The following COP1 variants were observed in gnomAD, a reference collection of about 807,000 sequenced individuals.
COP1 encodes the protein E3 ubiquitin-protein ligase COP1.
COP1 carries 24 observed loss-of-function variants against 101.3 expected under a neutral mutation model. The ratio of observed to expected loss-of-function variants is 0.24; its 90% confidence interval spans 0.17 to 0.33. COP1 has a LOEUF of 0.33. COP1 is among the 10% of genes least tolerant of loss of function. The probability of loss-of-function intolerance (pLI) is 1.00; values close to 1 mark genes in which losing one functional copy is unlikely to be tolerated. For missense variants in COP1, 663 were observed against 906.2 expected, an observed-to-expected ratio of 0.73 and a Z score of 3.45; for synonymous variants, 347 against 341.9, an observed-to-expected ratio of 1.01 and a Z score of -0.17.
chr1:176,063,185 G>C (rs1012611674), intron 11 of COP1, among the ~76,000 whole-genome samples: 1 of 145,182 alleles, frequency 6.9e-6, no homozygotes, highest in Non-Finnish European at 1.5e-5. Context: ...TCAGCCTCCC[G>C]AGTAGCTGGG....
Position 176,105,198 on chromosome 1 carries a change from C to T in COP1, c.1026+11426G>A, listed in dbSNP as rs576173719. Among the ~76,000 whole-genome samples the T allele has an allele frequency of 3.0e-3, 463 of 151,912 alleles. 2 individuals carry two copies. Among genetic ancestry groups the T allele is most frequent in the African/African-American group, 0.01 (429 of 41,424 alleles). On this transcript the variant is annotated intron_variant, in intron 9 of 19. Transcript: ENST00000367669. Reference sequence around the variant, plus strand: ...TTGGTAGAAAAGCTGAAAGGGTAGCCGTTATTGATTATAACTTTTTATACA... The same window carrying T: ...TTGGTAGAAAAGCTGAAAGGGTAGCTGTTATTGATTATAACTTTTTATACA...
chr1:176,029,713 G>C (rs1299401580), intron 14 of COP1, among the ~76,000 whole-genome samples: 2 of 152,100 alleles, frequency 1.3e-5, no homozygotes, highest in South Asian at 2.1e-4. Context: ...AAAAATCTTA[G>C]AATATTTTTA....
chr1:176,166,119 T>A (rs913951416), intron 3 of COP1, among the ~76,000 whole-genome samples: 1 of 151,984 alleles, frequency 6.6e-6, no homozygotes, highest in African/African-American at 2.4e-5. Context: ...AAGCCTGTAT[T>A]TATTTATTTT....
intron 9 of COP1, among the ~76,000 whole-genome samples, chr1:176,099,938 T>C (rs947760556): frequency 8.5e-5 from 13 of 152,186 alleles, no homozygotes; most frequent in African/African-American, 3.1e-4. Flanking sequence ...AAAGGTCTTA[T>C]CTGGGATTTC....
At chr1:176,029,805 G>A (rs1668358298) in intron 14 of COP1, among the ~76,000 whole-genome samples, 1 of 152,070 alleles carries the variant, frequency 6.6e-6, no homozygotes, top group Non-Finnish European at 1.5e-5. Context: ...TCTATGAAAC[G>A]GGATTACGTA....
chr1:176,084,096 CTT>C (rs893370762), intron 10 of COP1, among the ~76,000 whole-genome samples: 3 of 152,062 alleles, frequency 2.0e-5, no homozygotes, highest in African/African-American at 7.2e-5. Flanking sequence ...TTTCCCACCT[CTT>C]TTTTTAAAGG....
chr1:175,945,193 C>T, intron 19 of COP1, 23 bp from the exon 20 acceptor site: 1 of 1,526,026 alleles, frequency 6.6e-7, no homozygotes, highest in Non-Finnish European at 9.0e-7. Flanking sequence ...AAAAAAGGAT[C>T]CATTTAATAA....
chr1:176,102,803 A>G (rs1016712671), intron 9 of COP1, among the ~76,000 whole-genome samples: 1 of 152,184 alleles, frequency 6.6e-6, no homozygotes, highest in African/African-American at 2.4e-5. Context: ...CACTTGATGG[A>G]TCAGCTGACA....
At chr1:175,998,046 AAAACTT>A (rs1423254877) in intron 15 of COP1, among the ~76,000 whole-genome samples, 14 of 132,342 alleles carry the variant, frequency 1.1e-4, no homozygotes, top group Non-Finnish European at 3.1e-5. Flanking sequence ...CATGTACCCT[AAAACTT>A]AGAGTATAAT....
chr1:175,986,491 G>A (rs1328896611), intron 18 of COP1, among the ~76,000 whole-genome samples: 1 of 152,056 alleles, frequency 6.6e-6, no homozygotes. Context: ...ATTCTACTTT[G>A]AAATAGTACT....
chr1:175,994,508 T>C (rs1287889222), intron 15 of COP1, among the ~76,000 whole-genome samples: 2 of 152,100 alleles, frequency 1.3e-5, no homozygotes, highest in Non-Finnish European at 2.9e-5. Context: ...CCGTCTCACG[T>C]GCAGAGACAC....
rs181435285 is a variant in COP1, at chr1:176,170,648, C to T, written c.565+5262G>A. 1.1e-4 allele frequency among the ~76,000 whole-genome samples: 17 copies of T among 152,230 alleles called. No homozygotes were observed. In the East Asian group the frequency reaches 1.4e-3, roughly 12 times the overall value. On this transcript the variant is annotated intron_variant, in intron 3 of 19. Coordinates refer to ENST00000367669, the MANE Select transcript of COP1 (RefSeq NM_022457.7). ...TTGTTCTATTTGCAGAGCACAGACA[C>T]GGTAGATTTAGCATAATTCTTAAGG... is the stretch of plus-strand genomic sequence containing the variant.
chr1:175,989,009 C>T (rs1045232420), intron 16 of COP1: 1 of 171,558 alleles, frequency 5.8e-6, no homozygotes, highest in African/African-American at 2.4e-5. Flanking sequence ...AAATAAAATA[C>T]TTCTCATTCT....
intron 6 of COP1, among the ~76,000 whole-genome samples, chr1:176,142,369 AATATTT>A: frequency 6.6e-6 from 1 of 152,262 alleles, no homozygotes; most frequent in East Asian, 1.9e-4. Context: ...CTTATGCTAT[AATATTT>A]ATATTAAATA....
chr1:176,056,887 T>G (rs1445528121), intron 11 of COP1, among the ~76,000 whole-genome samples: 1 of 152,172 alleles, frequency 6.6e-6, no homozygotes, highest in Non-Finnish European at 1.5e-5. Flanking sequence ...CAGAAAGAAA[T>G]AAAGGATTCA....
At chr1:176,111,161 A>AAAT (rs893170301) in intron 9 of COP1, among the ~76,000 whole-genome samples, 2 of 152,210 alleles carry the variant, frequency 1.3e-5, no homozygotes, top group South Asian at 2.1e-4. Context: ...CAAAAAATAA[A>AAAT]AATAATAATA....
chr1:176,151,438 TCTCTA>T (rs1374448362), intron 5 of COP1, among the ~76,000 whole-genome samples: 1 of 151,922 alleles, frequency 6.6e-6, no homozygotes, highest in African/African-American at 2.4e-5. Context: ...AGAATTTTAC[TCTCTA>T]CTCTCAGTAC....
chr1:176,196,995 C>T (rs1037674937), intron 1 of COP1, among the ~76,000 whole-genome samples: 71 of 152,146 alleles, frequency 4.7e-4, no homozygotes, highest in African/African-American at 1.3e-3. Flanking sequence ...ACCTATGTTA[C>T]GGGTTAAATT....
chr1:176,202,444 C>CGGT (rs955445261), intron 1 of COP1, among the ~76,000 whole-genome samples: 7 of 152,046 alleles, frequency 4.6e-5, no homozygotes, highest in African/African-American at 1.7e-4. Flanking sequence ...CTGCCCTGGC[C>CGGT]TACCAAAGGG....
Sources: gnomAD v4.1 joint callset for allele counts (sites outside exome capture counted in the v4.1 genomes callset) on GRCh38, gnomAD v4.1.1 for gene constraint, MANE v1.5 for transcripts, NCBI Gene and HGNC (gene_info 2026-07-23, HGNC 2026-07-21) for gene names.